Variants in GRID2 observed in about 807,000 individuals in gnomAD.
GRID2 encodes glutamate receptor ionotropic, delta-2.
In GRID2, 33 loss-of-function variants were observed where a neutral mutation model predicts 114.8. The ratio of observed to expected loss-of-function variants is 0.29; its 90% CI spans 0.22 to 0.38. The LOEUF (loss-of-function observed/expected upper bound fraction) is 0.38. Among genes scored for constraint, GRID2 ranks in the 10% least tolerant of loss-of-function variants. The pLI, the probability that GRID2 is intolerant of heterozygous loss-of-function variation, is 1.00. For missense variants in GRID2, 1,184 were observed against 1,257.7 expected (o/e 0.94, Z 0.89); for synonymous variants, 505 against 449.9 (o/e 1.12, Z -1.55).
chr4:93,602,834 AGATGATT>A (rs1246468690), intron 13 of GRID2, among the ~76,000 whole-genome samples: 1 of 152,248 alleles, frequency 6.6e-6, no homozygotes, highest in Non-Finnish European at 1.5e-5. Flanking sequence ...CTCTTCTGTC[AGATGATT>A]AGCCAAGTTA....
At chr4:93,287,502 C>A (rs1233228299) in intron 8 of GRID2, among the ~76,000 whole-genome samples, 1 of 152,116 alleles carries the variant, frequency 6.6e-6, no homozygotes, top group Non-Finnish European at 1.5e-5. Flanking sequence ...TCTAGTAGTG[C>A]TACAGCCACT....
intron 12 of GRID2, among the ~76,000 whole-genome samples, chr4:93,493,581 T>C (rs768444864): frequency 6.6e-6 from 1 of 151,618 alleles, no homozygotes; most frequent in Non-Finnish European, 1.5e-5. Context: ...GTCCTAGAAT[T>C]TGTTTGCTTG....
intron 3 of GRID2, among the ~76,000 whole-genome samples, chr4:93,108,254 G>A (rs764633489): frequency 6.6e-6 from 1 of 152,110 alleles, no homozygotes; most frequent in Non-Finnish European, 1.5e-5. Context: ...CACTTAGTGT[G>A]CTTTGTGGTT....
At chr4:93,795,509 A>T (rs1049219119) in intron 1 of GRID2, among the ~76,000 whole-genome samples, 2 of 152,112 alleles carry the variant, frequency 1.3e-5, no homozygotes, top group Admixed American at 1.3e-4. Context: ...TTCAATTTAA[A>T]CTTAAGCTTG....
At chr4:92,541,816 G>T (rs995475114) in intron 1 of GRID2, among the ~76,000 whole-genome samples, 1 of 151,956 alleles carries the variant, frequency 6.6e-6, no homozygotes, top group African/African-American at 2.4e-5. Flanking sequence ...TACTGTTAGA[G>T]AATCCTGGTT....
intron 4 of GRID2, among the ~76,000 whole-genome samples, chr4:93,205,752 G>T (rs565003699): frequency 1.0e-3 from 154 of 152,080 alleles, no homozygotes; most frequent in African/African-American, 3.6e-3. Context: ...CACAATGGTT[G>T]AACTAGTTGA....
chr4:92,827,442 T>C (rs890963249), intron 2 of GRID2, among the ~76,000 whole-genome samples: 1 of 151,346 alleles, frequency 6.6e-6, no homozygotes, highest in African/African-American at 2.4e-5. Context: ...TTTTTGTTAC[T>C]ATGTCCCTTC....
chr4:92,611,158 G>GCA (rs1443249115), intron 2 of GRID2, among the ~76,000 whole-genome samples: 2 of 150,036 alleles, frequency 1.3e-5, no homozygotes, highest in Non-Finnish European at 3.0e-5. Flanking sequence ...GTGTGTGTGT[G>GCA]TGTGTGTGTT....
intron 2 of GRID2, among the ~76,000 whole-genome samples, chr4:93,046,874 A>T (rs1726190549): frequency 6.6e-6 from 1 of 151,900 alleles, no homozygotes. Context: ...AGGAAAGAAG[A>T]GACACATTTC....
chr4:92,386,068 T>C (rs1351376756), intron 1 of GRID2, among the ~76,000 whole-genome samples: 3 of 151,640 alleles, frequency 2.0e-5, no homozygotes, highest in Non-Finnish European at 4.4e-5. Context: ...TATTTGTCAG[T>C]ATTTTGTATG....
intron 2 of GRID2, chr4:92,822,069 G>A: frequency 2.0e-5 from 6 of 294,150 alleles, no homozygotes; most frequent in South Asian, 1.7e-4. Context: ...GACCAGAGAG[G>A]TGCAATGGGG....
chr4:92,560,268 C>G (rs1485908451), intron 1 of GRID2, among the ~76,000 whole-genome samples: 1 of 152,124 alleles, frequency 6.6e-6, no homozygotes, highest in African/African-American at 2.4e-5. Flanking sequence ...TTTGAGATAG[C>G]CTCCCATTAG....
chr4:92,775,613 C>T (rs1295267267), intron 2 of GRID2, among the ~76,000 whole-genome samples: 1 of 152,080 alleles, frequency 6.6e-6, no homozygotes, highest in Non-Finnish European at 1.5e-5. Flanking sequence ...AGGATACTGC[C>T]ATGCAAGTCT....
chr4:93,429,170 G>T (rs1304020591), intron 10 of GRID2, among the ~76,000 whole-genome samples: 3 of 152,154 alleles, frequency 2.0e-5, no homozygotes, highest in Non-Finnish European at 4.4e-5. Flanking sequence ...TTTTCTGTCT[G>T]ATATCTTCAG....
At chr4:92,734,491 C>A (rs1173223352) in intron 2 of GRID2, among the ~76,000 whole-genome samples, 1 of 151,782 alleles carries the variant, frequency 6.6e-6, no homozygotes, top group East Asian at 1.9e-4. Context: ...GCTATGTTGC[C>A]CAAGTTGGTC....
intron 4 of GRID2, among the ~76,000 whole-genome samples, chr4:93,142,918 C>T (rs761378838): frequency 4.6e-5 from 7 of 152,126 alleles, no homozygotes; most frequent in African/African-American, 1.7e-4. Context: ...GTGGCAGCAT[C>T]CATAGTATCA....
intron 12 of GRID2, among the ~76,000 whole-genome samples, chr4:93,514,818 T>G (rs1007664086): frequency 6.6e-6 from 1 of 152,204 alleles, no homozygotes; most frequent in Non-Finnish European, 1.5e-5. Flanking sequence ...CCTTGCTACG[T>G]AAAGGAATGT....
intron 12 of GRID2, among the ~76,000 whole-genome samples, chr4:93,494,393 A>G (rs1727323295): frequency 6.6e-6 from 1 of 151,710 alleles, no homozygotes; most frequent in African/African-American, 2.4e-5. Flanking sequence ...GAGAGAAATC[A>G]GCTTCTTTGA....
intron 8 of GRID2, among the ~76,000 whole-genome samples, chr4:93,305,209 A>C (rs1279918242): frequency 1.3e-5 from 2 of 152,158 alleles, no homozygotes; most frequent in Non-Finnish European, 2.9e-5. Context: ...AGCTAAGAGC[A>C]CCTTTCTCCT....
Sources: allele counts gnomAD v4.1 joint callset (sites outside exome capture counted in the v4.1 genomes callset), GRCh38; gene constraint gnomAD v4.1.1; transcripts MANE v1.5; gene names NCBI Gene and HGNC (gene_info 2026-07-23, HGNC 2026-07-21).